The following CDS2 variants were observed in gnomAD, a reference collection of about 807,000 sequenced individuals.
CDS2 encodes the protein CDP-diacylglycerol synthase 2.
In CDS2, 47 loss-of-function variants were observed where a neutral mutation model predicts 59.0. The observed-to-expected ratio is 0.80, with a 90% CI of 0.63 to 1.02. The LOEUF (loss-of-function observed/expected upper bound fraction) is 1.02, where lower values mean the gene tolerates loss of function less well. Among genes scored for constraint, CDS2 ranks in the 50% least tolerant of loss-of-function variants. The probability of loss-of-function intolerance (pLI) is 0.00; values close to 1 mark genes in which losing one functional copy is unlikely to be tolerated. For synonymous variants in CDS2, 207 were observed against 206.4 expected (o/e 1.00, Z -0.02); for missense variants, 356 against 558.9 (o/e 0.64, Z 3.66).
chr20:5,187,063 A>C, intron 10 of CDS2: 1 of 290,672 alleles, frequency 3.4e-6, no homozygotes, highest in Non-Finnish European at 6.8e-6. Flanking sequence ...TGTTCTGTGG[A>C]TCCCTGGAGG....
rs2091119878 is a variant in CDS2 at position 5,192,097 on chromosome 20, A to G, written c.*1863A>G. ...GCAGCACACCCGAACAGTAAAGGTG[A>G]TCAATAACGAAACTGTAGTTTTCAG... On this transcript the variant is annotated 3_prime_UTR_variant, in exon 13 of 13. Transcript: ENST00000460006. The G allele has an allele frequency of 6.6e-6, 1 of 152,174 alleles. No individual in the cohort carries two copies. The highest frequency in any genetic ancestry group is 2.4e-5 in the African/African-American group (1 of 41,434). 9.4% of individuals were successfully genotyped at this position (152,174 alleles called of 1,614,324 possible).
intron 5 of CDS2, among the ~76,000 whole-genome samples, chr20:5,181,987 G>T (rs1465014181): frequency 6.6e-6 from 1 of 152,220 alleles, no homozygotes; most frequent in Admixed American, 6.5e-5. Context: ...ACTCAGTTCT[G>T]CTGAGTTGTA....
intron 1 of CDS2, among the ~76,000 whole-genome samples, chr20:5,140,981 C>G (rs71334000): frequency 6.6e-6 from 1 of 152,060 alleles, no homozygotes; most frequent in Non-Finnish European, 1.5e-5. Context: ...TTCTGAAAGC[C>G]CTTATTAAAG....
intron 1 of CDS2, among the ~76,000 whole-genome samples, chr20:5,132,255 G>A (rs750200189): frequency 6.6e-6 from 1 of 151,852 alleles, no homozygotes; most frequent in African/African-American, 2.4e-5. Flanking sequence ...ATACCTCCAC[G>A]CCCAACTAAT....
In CDS2 at chr20:5,134,767, T is replaced by C. The variant is rs1442709423; in HGVS notation, c.57+7618T>C. Reference sequence around the variant, plus strand: ...AATTCCTGACTTCAGGTGATCTGCCTGCCTTGGCCTTCTACAATGCTGGGA... The same window carrying C: ...AATTCCTGACTTCAGGTGATCTGCCCGCCTTGGCCTTCTACAATGCTGGGA... On this transcript the variant is annotated intron_variant, in intron 1 of 12. Coordinates refer to ENST00000460006, the MANE Select transcript of CDS2 (RefSeq NM_003818.4). Among the ~76,000 whole-genome samples, 25 of 152,292 alleles carry C rather than the reference T, an allele frequency of 1.6e-4. No homozygotes were observed. The East Asian group carries it at 4.6e-3, about 28-fold the overall frequency.
At chr20:5,164,287 C>T (rs1314390233) in intron 1 of CDS2, among the ~76,000 whole-genome samples, 1 of 152,094 alleles carries the variant, frequency 6.6e-6, no homozygotes, top group African/African-American at 2.4e-5. Context: ...TGGTAAACAG[C>T]CCCAGGGTGC....
At chr20:5,127,942 C>T (rs2122931020) in intron 1 of CDS2, among the ~76,000 whole-genome samples, 1 of 152,124 alleles carries the variant, frequency 6.6e-6, no homozygotes, top group African/African-American at 2.4e-5. Flanking sequence ...TTGTGCTTTC[C>T]GAGATAGCAG....
At chr20:5,188,179 A>G (rs1341633459) in intron 10 of CDS2, among the ~76,000 whole-genome samples, 1 of 152,192 alleles carries the variant, frequency 6.6e-6, no homozygotes, top group Admixed American at 6.5e-5. Flanking sequence ...ATTATTTTCT[A>G]AATGGCTGAT....
At chr20:5,182,065 A>G (rs1600512335) in intron 5 of CDS2, among the ~76,000 whole-genome samples, 1 of 152,242 alleles carries the variant, frequency 6.6e-6, no homozygotes, top group African/African-American at 2.4e-5. Context: ...AACTTTATTT[A>G]TAAAAACAAG....
chr20:5,135,902 G>C (rs2090646297), intron 1 of CDS2, among the ~76,000 whole-genome samples: 1 of 152,202 alleles, frequency 6.6e-6, no homozygotes, highest in Non-Finnish European at 1.5e-5. Flanking sequence ...GAGCACTGCT[G>C]TCTGTGTGGA....
At chr20:5,156,918 T>C (rs2090838007) in intron 1 of CDS2, among the ~76,000 whole-genome samples, 2 of 152,202 alleles carry the variant, frequency 1.3e-5, no homozygotes, top group African/African-American at 4.8e-5. Context: ...GTTCTTGTCA[T>C]CTCTGACCTG....
At chr20:5,188,241 T>C (rs2091085047) in intron 10 of CDS2, among the ~76,000 whole-genome samples, 1 of 152,214 alleles carries the variant, frequency 6.6e-6, no homozygotes, top group African/African-American at 2.4e-5. Context: ...AAGTATAAGA[T>C]AGACCAATGG....
rs1251876383 is a variant in CDS2 at position 5,196,835 on chromosome 20, C to T, written c.*6601C>T. 6.6e-6 allele frequency: 1 copy of T among 152,484 alleles called. No individual in the cohort carries two copies. Among genetic ancestry groups the T allele is most frequent in the Admixed American group, 6.5e-5 (1 of 15,282 alleles). The allele number at this position is 152,484 out of a possible 1,614,324, so 9.4% of individuals were successfully genotyped here. A position where few individuals can be genotyped will look rare whatever the true frequency, so the allele number is the denominator to read the frequency against. On this transcript the variant is annotated 3_prime_UTR_variant, in exon 13 of 13. Coordinates refer to ENST00000460006, the MANE Select transcript of CDS2 (RefSeq NM_003818.4). ...CTGATTACAAAGGGGAAGAGTTGAA[C>T]AGACATCAGGGGCCGATGAAACCAA... is the stretch of plus-strand genomic sequence containing the variant.
intron 1 of CDS2, among the ~76,000 whole-genome samples, chr20:5,166,335 C>T (rs757425386): frequency 9.9e-5 from 15 of 152,018 alleles, no homozygotes; most frequent in Non-Finnish European, 1.6e-4. Flanking sequence ...GAAAGGGTAC[C>T]ATTTGCTAAG....
chr20:5,161,881 C>T (rs1680825391), intron 1 of CDS2, among the ~76,000 whole-genome samples: 1 of 152,178 alleles, frequency 6.6e-6, no homozygotes, highest in South Asian at 2.1e-4. Flanking sequence ...GTTTGACTAA[C>T]GCTAACTAGA....
intron 1 of CDS2, among the ~76,000 whole-genome samples, chr20:5,142,691 A>T (rs529521673): frequency 6.7e-6 from 1 of 148,656 alleles, no homozygotes; most frequent in Admixed American, 6.6e-5. Flanking sequence ...TTAAGAACTT[A>T]TGTTTATTGA....
At chr20:5,150,937 C>T (rs2090784191) in intron 1 of CDS2, among the ~76,000 whole-genome samples, 1 of 152,150 alleles carries the variant, frequency 6.6e-6, no homozygotes, top group Admixed American at 6.5e-5. Context: ...ACAAAGTAGC[C>T]AGAGATCACA....
At chr20:5,158,784 C>G (rs1031181389) in intron 1 of CDS2, among the ~76,000 whole-genome samples, 1 of 152,156 alleles carries the variant, frequency 6.6e-6, no homozygotes, top group Non-Finnish European at 1.5e-5. Context: ...ATCGTTGTAT[C>G]TTACAAGGTG....
rs1437773726 is a variant in CDS2 at position 5,190,968 on chromosome 20, C to T, written c.*734C>T. The T allele has an allele frequency of 6.6e-6, 1 of 152,634 alleles. No homozygotes were observed. The highest frequency in any genetic ancestry group is 1.5e-5 in the Non-Finnish European group (1 of 68,052). 9.5% of individuals were successfully genotyped at this position (152,634 alleles called of 1,614,324 possible). A position where few individuals can be genotyped will look rare whatever the true frequency, so the allele number is the denominator to read the frequency against. On this transcript the variant is annotated 3_prime_UTR_variant, in exon 13 of 13. Transcript: ENST00000460006. ...TGTACTGTAACTGAGCCCTTTCCCA[C>T]ATGTCTAGGCTCCAATGTCTCCTGT...
Sources: gnomAD v4.1 joint callset for allele counts (sites outside exome capture counted in the v4.1 genomes callset) on GRCh38, gnomAD v4.1.1 for gene constraint, MANE v1.5 for transcripts, NCBI Gene and HGNC (gene_info 2026-07-23, HGNC 2026-07-21) for gene names.